Variants in EXTL3 observed in about 807,000 individuals in gnomAD.
The protein encoded by EXTL3 is exostosin like glycosyltransferase 3, also known as exostosin-like 3.
Under a neutral mutation model 69.3 loss-of-function variants are expected in EXTL3, and 27 were observed. That is an observed-to-expected ratio of 0.39 (90% CI 0.29 to 0.54). EXTL3 has a LOEUF of 0.54. Among genes scored for constraint, EXTL3 ranks in the 20% least tolerant of loss-of-function variants. The pLI is 0.69. For synonymous variants in EXTL3, 511 were observed against 499.4 expected, an observed-to-expected ratio of 1.02 and a Z score of -0.31; for missense variants, 1,003 against 1,231.8, an observed-to-expected ratio of 0.81 and a Z score of 2.78.
chr8:28,641,790 C>T (rs568026348), intron 1 of EXTL3, among the ~76,000 whole-genome samples: 1 of 151,626 alleles, frequency 6.6e-6, no homozygotes, highest in Non-Finnish European at 1.5e-5. Context: ...TGGCGCCTGG[C>T]CATAACTTTA....
In EXTL3 at chr8:28,718,085, C is replaced by T; in HGVS notation, c.2026C>T (p.Leu676Phe). 1 of 1,614,016 alleles carries T rather than the reference C, an allele frequency of 6.2e-7. No individual in the cohort carries two copies. Among genetic ancestry groups the T allele is most frequent in the Non-Finnish European group, 8.5e-7 (1 of 1,179,984 alleles). ...VMLTYEREEV[L>F]MNSLERLNGL... ...GTTGACTTATGAGCGGGAGGAAGTGCTTATGAACTCTTTAGAGAGGCTGAA... is the reference window on the plus strand; with the variant it reads ...GTTGACTTATGAGCGGGAGGAAGTGTTTATGAACTCTTTAGAGAGGCTGAA... The change falls in exon 3 of 7, where the codon CTT becomes TTT. Residue 676 changes from leucine (L) to phenylalanine (F), a missense_variant. Leu to Phe is a conservative substitution (Grantham distance 22). This residue lies in a region of EXTL3 where 261 missense variants were observed against 416.4 expected (regional missense o/e 0.63). Transcript: ENST00000220562.
intron 1 of EXTL3, among the ~76,000 whole-genome samples, chr8:28,668,235 C>T (rs1445710309): frequency 7.2e-6 from 1 of 138,458 alleles, no homozygotes; most frequent in African/African-American, 2.9e-5. Context: ...CCAGTGCACT[C>T]CAACAAAATA....
At chr8:28,652,709 T>C (rs952709858) in intron 1 of EXTL3, among the ~76,000 whole-genome samples, 2 of 152,014 alleles carry the variant, frequency 1.3e-5, no homozygotes, top group Non-Finnish European at 2.9e-5. Flanking sequence ...ATAGCCATCT[T>C]AGGTGTGAAA....
At chr8:28,714,093 A>G (rs1563213600) in intron 2 of EXTL3, among the ~76,000 whole-genome samples, 1 of 151,676 alleles carries the variant, frequency 6.6e-6, no homozygotes, top group Non-Finnish European at 1.5e-5. Context: ...TTTAGTAGAG[A>G]TGGGGTTTTG....
intron 1 of EXTL3, among the ~76,000 whole-genome samples, chr8:28,644,509 G>A (rs577687637): frequency 2.6e-5 from 4 of 152,174 alleles, no homozygotes; most frequent in Admixed American, 2.0e-4. Flanking sequence ...GACCAGCCTG[G>A]TCAAGAGAGT....
intron 1 of EXTL3, among the ~76,000 whole-genome samples, chr8:28,702,559 C>G (rs1055832006): frequency 1.3e-5 from 2 of 149,336 alleles, no homozygotes; most frequent in Admixed American, 1.3e-4. Flanking sequence ...TTGCCCCTCC[C>G]CCGCCACCCG....
intron 1 of EXTL3, among the ~76,000 whole-genome samples, chr8:28,694,972 C>T (rs748806430): frequency 7.9e-5 from 12 of 151,974 alleles, no homozygotes; most frequent in Non-Finnish European, 1.2e-4. Flanking sequence ...GCTGAGATCA[C>T]GCCACTGCAC....
intron 1 of EXTL3, among the ~76,000 whole-genome samples, chr8:28,658,837 T>A (rs1183890796): frequency 1.3e-5 from 2 of 152,164 alleles, no homozygotes; most frequent in African/African-American, 4.8e-5. Context: ...CACCTCAGCC[T>A]CCCAAAGTGC....
intron 1 of EXTL3, among the ~76,000 whole-genome samples, chr8:28,705,843 T>C (rs558086391): frequency 1.8e-4 from 28 of 152,294 alleles, no homozygotes; most frequent in Middle Eastern, 3.4e-3. Flanking sequence ...CTTATGAAAA[T>C]GACGCATCTC....
At chr8:28,676,046 A>G (rs1294129066) in intron 1 of EXTL3, among the ~76,000 whole-genome samples, 1 of 151,534 alleles carries the variant, frequency 6.6e-6, no homozygotes, top group Non-Finnish European at 1.5e-5. Context: ...AAAGAAGAAA[A>G]AAGGAAGTGT....
upstream of EXTL3, chr8:28,696,652 C>G (rs1180441527): frequency 1.3e-5 from 2 of 151,080 alleles, no homozygotes; most frequent in African/African-American, 4.9e-5. Context: ...CTTGGCCTCC[C>G]AGGTTCAAGC....
At chr8:28,654,364 T>C (rs1806972526) in intron 1 of EXTL3, among the ~76,000 whole-genome samples, 1 of 152,042 alleles carries the variant, frequency 6.6e-6, no homozygotes, top group Non-Finnish European at 1.5e-5. Context: ...TTATTCTTTT[T>C]GTTTGTTTGT....
At chr8:28,680,644 AT>A (rs1263640736) in intron 1 of EXTL3, among the ~76,000 whole-genome samples, 1 of 152,168 alleles carries the variant, frequency 6.6e-6, no homozygotes, top group African/African-American at 2.4e-5. Context: ...TATAGTCACC[AT>A]GCTGTACAGC....
chr8:28,717,312 G>A lies in EXTL3; in HGVS notation c.1253G>A (p.Arg418Gln), dbSNP rs138130005. ...LPTEWALCGEREDRLELLKLS... is the reference protein window; with the variant it reads ...LPTEWALCGEQEDRLELLKLS... Reference sequence around the variant, plus strand: ...ACTGAGTGGGCACTGTGTGGAGAGCGGGAGGACCGCTTGGAATTGCTGAAG... The same window carrying A: ...ACTGAGTGGGCACTGTGTGGAGAGCAGGAGGACCGCTTGGAATTGCTGAAG... Residue 418 changes from arginine (R) to glutamine (Q), a missense_variant, in exon 3 of 7, where the codon CGG becomes CAG. Transcript: ENST00000220562. The surrounding 1 kb of genome is among the most constrained non-coding windows in gnomAD (Gnocchi z 8.3). 536 of 1,614,096 alleles carry A rather than the reference G, an allele frequency of 3.3e-4. 1 individual carries two copies. Among genetic ancestry groups the A allele is most frequent in the Non-Finnish European group, 4.3e-4 (503 of 1,180,056 alleles).
chr8:28,701,980 A>T (rs1301812402), intron 1 of EXTL3, among the ~76,000 whole-genome samples: 2 of 149,430 alleles, frequency 1.3e-5, no homozygotes, highest in Non-Finnish European at 1.5e-5. Flanking sequence ...GCTGCTCGGG[A>T]CCCGCCTCCA....
At chr8:28,721,003 G>A (rs1306109076) in intron 3 of EXTL3, among the ~76,000 whole-genome samples, 1 of 152,218 alleles carries the variant, frequency 6.6e-6, no homozygotes, top group Non-Finnish European at 1.5e-5. Flanking sequence ...CGTTGTTTCT[G>A]AGGATATATC....
At chr8:28,673,679 G>A (rs1807335393) in intron 1 of EXTL3, among the ~76,000 whole-genome samples, 1 of 152,146 alleles carries the variant, frequency 6.6e-6, no homozygotes, top group Admixed American at 6.5e-5. Flanking sequence ...GTGTCTTTGA[G>A]AGTGTTTGTG....
chr8:28,728,587 TAAAG>T (rs1342647560), intron 3 of EXTL3, among the ~76,000 whole-genome samples: 2 of 152,218 alleles, frequency 1.3e-5, no homozygotes, highest in Non-Finnish European at 2.9e-5. Context: ...GGTGAAGTCT[TAAAG>T]AAAGCTCTGG....
At chr8:28,686,606 G>A (rs1394633418) in intron 1 of EXTL3, among the ~76,000 whole-genome samples, 1 of 152,118 alleles carries the variant, frequency 6.6e-6, no homozygotes, top group Non-Finnish European at 1.5e-5. Context: ...AAGGAATTGA[G>A]ACTTCATTCC....
Sources: allele counts gnomAD v4.1 joint callset (sites outside exome capture counted in the v4.1 genomes callset), GRCh38; gene constraint gnomAD v4.1.1; regional missense constraint gnomAD v4.1.1; non-coding constraint Gnocchi (gnomAD v3.1); transcripts MANE v1.5; gene names NCBI Gene and HGNC (gene_info 2026-07-23, HGNC 2026-07-21).